Variants in GPX7 observed in about 807,000 individuals in gnomAD.
GPX7 encodes protein peroxidase GPX7.
GPX7 carries 21 observed loss-of-function variants against 23.7 expected under a neutral mutation model. That is an observed-to-expected ratio of 0.89 (90% CI 0.63 to 1.28). The LOEUF (loss-of-function observed/expected upper bound fraction) is 1.28. Ranked by LOEUF, GPX7 falls within the 50% of genes most tolerant of loss-of-function variation. The probability of loss-of-function intolerance (pLI) is 0.00; values close to 1 mark genes in which losing one functional copy is unlikely to be tolerated. For missense variants in GPX7, 238 were observed against 237.3 expected (o/e 1.00, Z -0.02); for synonymous variants, 112 against 101.8 (o/e 1.10, Z -0.61).
chr1:52,607,233 G>A (rs1180563457), intron 2 of GPX7: 1 of 474,282 alleles, frequency 2.1e-6, no homozygotes. Context: ...TCACATTCAG[G>A]GGCTCCTAGA....
At chr1:52,604,723 G>A (rs1029819761) in intron 1 of GPX7, among the ~76,000 whole-genome samples, 2 of 152,154 alleles carry the variant, frequency 1.3e-5, no homozygotes, top group Non-Finnish European at 2.9e-5. Context: ...CAAAAGAGCG[G>A]GCAGACATGC....
chr1:52,607,683 G>A (rs1690869502), intron 2 of GPX7, among the ~76,000 whole-genome samples: 1 of 152,160 alleles, frequency 6.6e-6, no homozygotes, highest in South Asian at 2.1e-4. Flanking sequence ...GTCCCTTACT[G>A]CGGCAGGTTT....
chr1:52,605,920 C>T (rs1288313526), intron 1 of GPX7, among the ~76,000 whole-genome samples: 3 of 152,132 alleles, frequency 2.0e-5, no homozygotes, highest in Non-Finnish European at 2.9e-5. Flanking sequence ...AGACTGCAAA[C>T]GGTTGGGGGG....
intron 1 of GPX7, among the ~76,000 whole-genome samples, chr1:52,604,073 C>T (rs1487809985): frequency 1.3e-5 from 2 of 152,152 alleles, no homozygotes; most frequent in East Asian, 3.8e-4. Context: ...TACATTTCCA[C>T]TAAATGGAGC....
At position 52,607,363 on chromosome 1, in the gene GPX7, C is replaced by T. The variant is rs143444293; in HGVS notation, c.400+418C>T. The T allele has an allele frequency of 3.7e-3, 682 of 182,982 alleles. 3 individuals carry two copies. Among genetic ancestry groups the T allele is most frequent in the South Asian group, 0.011 (81 of 7,300 alleles). The allele number at this position is 182,982 out of a possible 1,614,324, so 11.3% of individuals were successfully genotyped here. On this transcript the variant is annotated intron_variant, in intron 2 of 2. Coordinates refer to ENST00000361314, the MANE Select transcript of GPX7 (RefSeq NM_015696.5). ...GCTGACCAAGATAGTAGACAGGCAT[C>T]TTCACCCTGAGTCAGTGGCGGAGTC... is the stretch of plus-strand genomic sequence containing the variant.
rs868201509 is a variant in GPX7 at position 52,602,513 on chromosome 1, G to A, written c.104G>A (p.Gly35Asp). 1 of 1,564,362 alleles carries A rather than the reference G, an allele frequency of 6.4e-7. No homozygotes were observed. The highest frequency in any genetic ancestry group is 8.6e-7 in the Non-Finnish European group (1 of 1,159,554). The change falls in exon 1 of 3, where the codon GGC becomes GAC. Residue 35 changes from glycine to aspartate, a missense_variant. By Grantham distance (94) the Gly-to-Asp change is moderately conservative (BLOSUM62 -1). Coordinates refer to ENST00000361314, the MANE Select transcript of GPX7 (RefSeq NM_015696.5). ...GACTTCAAGGCGGTCAACATCCGGG[G>A]CAAACTGGTGTCGCTGGAGAAGTAC... The part of the protein sequence containing the change: ...FYDFKAVNIR[G>D]KLVSLEKYRG...
At chr1:52,608,232 C>A in intron 2 of GPX7, 30 bp from the exon 3 acceptor site, 1 of 1,588,948 alleles carries the variant, frequency 6.3e-7, no homozygotes, top group Non-Finnish European at 8.6e-7. Flanking sequence ...CGCAGGGTAG[C>A]ACGCTTTGCT....
chr1:52,606,727 ACCAGCACTACCGAGCC>A lies in GPX7; in HGVS notation c.184_199del (p.Gln62CysfsTer82), dbSNP rs775266869. The A allele has an allele frequency of 6.2e-7, 1 of 1,614,014 alleles. No homozygotes were observed. Among genetic ancestry groups the A allele is most frequent in the African/African-American group, 1.3e-5 (1 of 74,912 alleles). On this transcript the variant is annotated frameshift_variant, in exon 2 of 3. Transcript: ENST00000361314. LOFTEE classifies it high-confidence loss of function. ...GTGGCCAGCGAGTGCGGCTTCACAG[ACCAGCACTACCGAGCC>A]CTGCAGCAGCTGCAGCGAGACCTGG...
Position 52,602,411 on chromosome 1 carries a change from TGGTGGCGGCGAC to T in GPX7, c.9_20del (p.ThrValAlaAla5_?8). On this transcript the variant is annotated start_lost and inframe_deletion, in exon 1 of 3. Coordinates refer to ENST00000361314, the MANE Select transcript of GPX7 (RefSeq NM_015696.5). Reference sequence around the variant, plus strand: ...ACGCCGCCACCTCCGGAACAAGCCATGGTGGCGGCGACGGTGGCAGCGGCGTGGCTGCTCCTG... The same window carrying T: ...ACGCCGCCACCTCCGGAACAAGCCATGGTGGCAGCGGCGTGGCTGCTCCTG... The T allele has an allele frequency of 6.7e-7, 1 of 1,492,058 alleles. No homozygotes were observed. The highest frequency in any genetic ancestry group is 8.9e-7 in the Non-Finnish European group (1 of 1,120,392). The allele number at this position is 1,492,058 out of a possible 1,614,324, so 92.4% of individuals were successfully genotyped here.
chr1:52,606,764 C>G lies in GPX7; in HGVS notation c.219C>G (p.Asp73Glu), dbSNP rs767909037. ...GAGCCCTGCAGCAGCTGCAGCGAGA[C>G]CTGGGCCCCCACCACTTTAACGTGC... Reference protein sequence around the residue: ...HYRALQQLQRDLGPHHFNVLA... With the variant: ...HYRALQQLQRELGPHHFNVLA... The change falls in exon 2 of 3, where the codon GAC becomes GAG. Residue 73 changes from aspartate (D) to glutamate (E), a missense_variant. Transcript: ENST00000361314. 4 of 1,614,084 alleles carry G rather than the reference C, an allele frequency of 2.5e-6. No individual in the cohort carries two copies. In the African/African-American group the frequency reaches 4.0e-5, roughly 16 times the overall value.
At chr1:52,603,358 G>C (rs1356033330) in intron 1 of GPX7, among the ~76,000 whole-genome samples, 1 of 151,910 alleles carries the variant, frequency 6.6e-6, no homozygotes, top group Non-Finnish European at 1.5e-5. Context: ...GAAGGGGGTG[G>C]GGGGGCGCGG....
chr1:52,606,961 T>G lies in GPX7; in HGVS notation c.400+16T>G. 1 of 1,611,890 alleles carries G rather than the reference T, an allele frequency of 6.2e-7. No homozygotes were observed. On this transcript the variant is annotated intron_variant, in intron 2 of 2. Coordinates refer to ENST00000361314, the MANE Select transcript of GPX7 (RefSeq NM_015696.5). The stretch of plus-strand genomic sequence containing the variant: ...TACCTGGCCCGTAAGTCCTGGTCTC[T>G]TCATCCCCTCACACCTCCCTTAGCT...
intron 1 of GPX7, among the ~76,000 whole-genome samples, chr1:52,605,630 A>AT (rs1690846123): frequency 6.6e-6 from 1 of 152,194 alleles, no homozygotes. Flanking sequence ...CTTTGTATTT[A>AT]TTGCCTAAAG....
chr1:52,603,923 G>T (rs1690827571), intron 1 of GPX7, among the ~76,000 whole-genome samples: 1 of 152,142 alleles, frequency 6.6e-6, no homozygotes, highest in Admixed American at 6.6e-5. Flanking sequence ...GTTCTCTCTA[G>T]GGCAGCTCAC....
intron 1 of GPX7, among the ~76,000 whole-genome samples, chr1:52,604,285 G>T (rs1328195745): frequency 6.6e-6 from 1 of 152,244 alleles, no homozygotes; most frequent in Non-Finnish European, 1.5e-5. Flanking sequence ...GGAACAGGGA[G>T]TCCAGAAAAG....
rs773689920 is a variant in GPX7, at chr1:52,602,471, A to G, written c.62A>G (p.Gln21Arg). ...CTGTGGGCTGCGGCCTGCGCGCAGC[A>G]GGAGCAGGACTTCTACGACTTCAAG... ...LLLWAAACAQ[Q>R]EQDFYDFKAV... Residue 21 changes from glutamine to arginine, a missense_variant, in exon 1 of 3, where the codon CAG (glutamine) becomes CGG (arginine). Transcript: ENST00000361314. 4.0e-5 allele frequency: 62 copies of G among 1,550,182 alleles called. 2 individuals are homozygous for G. In the Admixed American group the frequency reaches 5.2e-4, roughly 13 times the overall value.
In GPX7 at chr1:52,606,946, G is replaced by T. The variant is rs748136331; in HGVS notation, c.400+1G>T. 3.1e-6 allele frequency: 5 copies of T among 1,613,798 alleles called. No individual in the cohort carries two copies. In the Middle Eastern group the frequency reaches 5.0e-4, roughly 160 times the overall value. ...CATCCTGCCTTCAAGTACCTGGCCC[G>T]TAAGTCCTGGTCTCTTCATCCCCTC... is the stretch of plus-strand genomic sequence containing the variant. On this transcript the variant is annotated splice_donor_variant, in intron 2 of 2. Coordinates refer to ENST00000361314, the MANE Select transcript of GPX7 (RefSeq NM_015696.5). LOFTEE classifies it high-confidence loss of function.
chr1:52,604,147 T>C (rs1363806719), intron 1 of GPX7, among the ~76,000 whole-genome samples: 3 of 152,148 alleles, frequency 2.0e-5, no homozygotes, highest in Admixed American at 6.5e-5. Flanking sequence ...AGGTAATTCC[T>C]AGTAGTAGTA....
chr1:52,602,977 G>A (rs529066058), intron 1 of GPX7, among the ~76,000 whole-genome samples: 1 of 151,720 alleles, frequency 6.6e-6, no homozygotes, highest in South Asian at 2.1e-4. Context: ...GGCTGATTCG[G>A]AGTCCAGTGA....
Sources: gnomAD v4.1 joint callset for allele counts (sites outside exome capture counted in the v4.1 genomes callset) on GRCh38, gnomAD v4.1.1 for gene constraint, MANE v1.5 for transcripts, NCBI Gene and HGNC (gene_info 2026-07-23, HGNC 2026-07-21) for gene names.